The following SEM1 variants were observed in gnomAD, a reference collection of about 807,000 sequenced individuals.
The protein encoded by SEM1 is 26S proteasome complex subunit SEM1.
Under a neutral mutation model 12.7 loss-of-function variants are expected in SEM1, and 3 were observed. The observed-to-expected ratio is 0.24, with a 90% CI of 0.11 to 0.61. The LOEUF is 0.61. Ranked by LOEUF, SEM1 falls within the 20% of genes least tolerant of loss-of-function variation. SEM1 has a pLI of 0.88. For synonymous variants in SEM1, 30 were observed against 27.8 expected, an observed-to-expected ratio of 1.08 and a Z score of -0.25; for missense variants, 59 against 81.3, an observed-to-expected ratio of 0.73 and a Z score of 1.06.
rs1457692561 is a variant in SEM1, at chr7:96,572,937, A to G, written c.171-66239T>C. Among the ~76,000 whole-genome samples, 3 of 152,148 alleles carry G rather than the reference A, an allele frequency of 2.0e-5. No homozygotes were observed. The East Asian group carries it at 5.8e-4, about 29-fold the overall frequency. ...AGTCTAAGTCTCTTTGTAGGTCTCT[A>G]AGAACATGCTTTATGAATCTGGGTG... On this transcript the variant is annotated intron_variant and NMD_transcript_variant, in intron 2 of 3. Coordinates refer to the SEM1 transcript ENST00000466986.
At chr7:96,532,628 C>T (rs910968196) in intron 2 of SEM1, among the ~76,000 whole-genome samples, 1 of 152,108 alleles carries the variant, frequency 6.6e-6, no homozygotes, top group African/African-American at 2.4e-5. Context: ...CTGCATGAGG[C>T]TGTCTTCCAT....
intron 2 of SEM1, among the ~76,000 whole-genome samples, chr7:96,614,733 A>T (rs1175379804): frequency 6.6e-6 from 1 of 152,180 alleles, no homozygotes; most frequent in Admixed American, 6.5e-5. Flanking sequence ...CATGCTACCT[A>T]GTGCATATGC....
chr7:96,535,373 T>C (rs1189922909), intron 2 of SEM1, among the ~76,000 whole-genome samples: 1 of 151,920 alleles, frequency 6.6e-6, no homozygotes, highest in African/African-American at 2.4e-5. Context: ...TTCGAATATA[T>C]GTATTTAATG....
intron 2 of SEM1, among the ~76,000 whole-genome samples, chr7:96,660,854 C>G (rs1251616089): frequency 2.0e-5 from 3 of 151,696 alleles, no homozygotes; most frequent in Non-Finnish European, 2.9e-5. Flanking sequence ...AATCTGACCA[C>G]AACAGAATTA....
At chr7:96,676,154 T>C (rs571601385) in intron 2 of SEM1, among the ~76,000 whole-genome samples, 2 of 152,220 alleles carry the variant, frequency 1.3e-5, no homozygotes, top group South Asian at 4.1e-4. Context: ...CCTGTTTACA[T>C]AGAGGCATTG....
chr7:96,708,264 T>G (rs1790531236), intron 1 of SEM1: 1 of 152,084 alleles, frequency 6.6e-6, no homozygotes, highest in African/African-American at 2.4e-5. Flanking sequence ...AACAAAAAAC[T>G]AAGAATGCCT....
Position 96,568,211 on chromosome 7 carries a change from T to C in SEM1, c.171-61513A>G, listed in dbSNP as rs73708358. Among the ~76,000 whole-genome samples the C allele has an allele frequency of 4.3e-3, 651 of 149,938 alleles. 9 individuals are homozygous for C. The highest frequency in any genetic ancestry group is 0.015 in the African/African-American group (604 of 40,870). ...CTATCCCTTTTGAAGTCACTTTTGG[T>C]GATTTAAGTTTCTAGAAATGTCAAC... On this transcript the variant is annotated intron_variant and NMD_transcript_variant, in intron 2 of 3. Coordinates refer to the SEM1 transcript ENST00000466986.
chr7:96,569,754 CTTTG>C (rs1373469860), intron 2 of SEM1, among the ~76,000 whole-genome samples: 2 of 151,990 alleles, frequency 1.3e-5, no homozygotes, highest in Non-Finnish European at 2.9e-5. Context: ...CATGTTTATC[CTTTG>C]TTTAACTTCT....
At chr7:96,550,837 T>C (rs138875051) in intron 2 of SEM1, among the ~76,000 whole-genome samples, 12 of 152,222 alleles carry the variant, frequency 7.9e-5, no homozygotes, top group Non-Finnish European at 1.8e-4. Flanking sequence ...ATGATTGGCC[T>C]ATGCGATCAA....
intron 2 of SEM1, among the ~76,000 whole-genome samples, chr7:96,634,388 A>T (rs1453113775): frequency 6.6e-6 from 1 of 152,082 alleles, no homozygotes; most frequent in African/African-American, 2.4e-5. Context: ...AAACAAAAAC[A>T]TAGGCAAGTG....
intron 2 of SEM1, among the ~76,000 whole-genome samples, chr7:96,556,769 A>G (rs9771439): frequency 0.59 from 74,747 of 127,394 alleles, 22,610 homozygotes; most frequent in Non-Finnish European, 0.67. Context: ...TCTCCTGGAT[A>G]ATATCCTGCA....
At chr7:96,667,350 C>T (rs1200790557) in intron 2 of SEM1, among the ~76,000 whole-genome samples, 1 of 152,120 alleles carries the variant, frequency 6.6e-6, no homozygotes, top group African/African-American at 2.4e-5. Flanking sequence ...CCAACTATTC[C>T]CTGGGTAACC....
chr7:96,490,031 C>T lies in SEM1; in HGVS notation c.13-3614G>A, dbSNP rs115074420. Among the ~76,000 whole-genome samples, 1,018 of 152,092 alleles carry T rather than the reference C, an allele frequency of 6.7e-3. 12 individuals carry two copies. Among genetic ancestry groups the T allele is most frequent in the African/African-American group, 0.023 (965 of 41,502 alleles). On this transcript the variant is annotated intron_variant, in intron 1 of 3. Coordinates refer to the SEM1 transcript ENST00000356686. ...AGGAGACACACTATTCAATCCTGTACGGAACCCTGACTTGACTATAAGATC... is the reference window on the plus strand; with the variant it reads ...AGGAGACACACTATTCAATCCTGTATGGAACCCTGACTTGACTATAAGATC...
At chr7:96,585,081 T>C (rs1364909000) in intron 2 of SEM1, among the ~76,000 whole-genome samples, 1 of 152,162 alleles carries the variant, frequency 6.6e-6, no homozygotes. Context: ...GCTCTGTTTT[T>C]TCCCCATCTT....
chr7:96,496,169 T>A, intron 1 of SEM1: 1 of 617,060 alleles, frequency 1.6e-6, no homozygotes, highest in Non-Finnish European at 2.7e-6. Flanking sequence ...AACATTCATT[T>A]TAACTCGTTA....
intron 2 of SEM1, among the ~76,000 whole-genome samples, chr7:96,570,379 T>C (rs957128642): frequency 1.3e-5 from 2 of 151,864 alleles, no homozygotes; most frequent in African/African-American, 4.8e-5. Flanking sequence ...CGGTGTATGA[T>C]GTTCCCCTCC....
chr7:96,704,049 CAAG>C (rs1488864849), intron 1 of SEM1, among the ~76,000 whole-genome samples: 2 of 150,744 alleles, frequency 1.3e-5, no homozygotes, highest in Non-Finnish European at 2.9e-5. Context: ...TAATATCTAT[CAAG>C]AAGGGACTAG....
At chr7:96,619,062 G>T (rs1186446991), downstream of SEM1, among the ~76,000 whole-genome samples, 1 of 152,032 alleles carries the variant, frequency 6.6e-6, no homozygotes, top group Non-Finnish European at 1.5e-5. Context: ...AAGCTTCTTC[G>T]AAATCAATAT....
At chr7:96,709,497 A>C (rs1163382839) in intron 1 of SEM1, among the ~76,000 whole-genome samples, 191 bp downstream of exon 1, 1 of 152,134 alleles carries the variant, frequency 6.6e-6, no homozygotes, top group Non-Finnish European at 1.5e-5. Context: ...CTCACCAGTG[A>C]GTCCCAGCGC....
Sources: allele counts gnomAD v4.1 joint callset (sites outside exome capture counted in the v4.1 genomes callset), GRCh38; gene constraint gnomAD v4.1.1; transcripts MANE v1.5; gene names NCBI Gene and HGNC (gene_info 2026-07-23, HGNC 2026-07-21).